The following CCDC88C variants were observed in gnomAD, a reference collection of about 807,000 sequenced individuals.
The protein encoded by CCDC88C is coiled-coil and HOOK domain protein 88C.
CCDC88C carries 131 observed loss-of-function variants against 198.8 expected under a neutral mutation model. That is an observed-to-expected ratio of 0.66 (90% CI 0.57 to 0.76). The LOEUF (loss-of-function observed/expected upper bound fraction) is 0.76. Ranked by LOEUF, CCDC88C falls within the 30% of genes least tolerant of loss-of-function variation. The pLI is 0.00. For missense variants in CCDC88C, 2,553 were observed against 2,631.6 expected, an observed-to-expected ratio of 0.97 and a Z score of 0.65; for synonymous variants, 1,166 against 1,114.7, an observed-to-expected ratio of 1.05 and a Z score of -0.92.
At chr14:91,310,556 G>A (rs1891774373) in intron 15 of CCDC88C, among the ~76,000 whole-genome samples, 1 of 152,080 alleles carries the variant, frequency 6.6e-6, no homozygotes. Context: ...AATTACAGGT[G>A]TGCACCAGCA....
At chr14:91,343,949 T>C (rs1893411750) in intron 4 of CCDC88C, among the ~76,000 whole-genome samples, 1 of 152,176 alleles carries the variant, frequency 6.6e-6, no homozygotes, top group Non-Finnish European at 1.5e-5. Flanking sequence ...GCCTCCCTAG[T>C]AGCTGGGACT....
At chr14:91,358,113 C>T (rs1260421808) in intron 4 of CCDC88C, among the ~76,000 whole-genome samples, 1 of 152,188 alleles carries the variant, frequency 6.6e-6, no homozygotes, top group African/African-American at 2.4e-5. Context: ...AGAGCGCCCC[C>T]ACGGAACAAG....
intron 4 of CCDC88C, among the ~76,000 whole-genome samples, chr14:91,359,401 T>C (rs1044682346): frequency 6.6e-6 from 1 of 152,140 alleles, no homozygotes; most frequent in Admixed American, 6.5e-5. Context: ...CCTCCCAAAG[T>C]GCTGGGATTA....
chr14:91,358,658 T>C (rs1894151050), intron 4 of CCDC88C, among the ~76,000 whole-genome samples: 1 of 152,254 alleles, frequency 6.6e-6, no homozygotes, highest in African/African-American at 2.4e-5. Context: ...ACATTTAATT[T>C]GGTCTTTCTT....
At position 91,313,841 on chromosome 14, in the gene CCDC88C, C is replaced by T. The variant is rs768318540; in HGVS notation, c.1975G>A (p.Glu659Lys). The change falls in exon 15 of 30, where the codon GAG (glutamate) becomes AAG (lysine). Residue 659 changes from glutamate to lysine, a missense_variant. Coordinates refer to ENST00000389857, the MANE Select transcript of CCDC88C (RefSeq NM_001080414.4). This position sits in a 1 kb window ranked among gnomAD's most constrained non-coding sequence, Gnocchi z 5.2. ...RKVTSLETAT[E>K]KVEALEHESQ... ...TCATGCTCCAGGGCCTCGACTTTCT[C>T]GGTGGCTGTCTCCAGGGAGGTCACC... 1.0e-5 allele frequency: 16 copies of T among 1,603,640 alleles called. No homozygotes were observed. Among genetic ancestry groups the T allele is most frequent in the African/African-American group, 5.3e-5 (4 of 74,780 alleles).
chr14:91,401,920 C>A (rs1886226619), intron 3 of CCDC88C, among the ~76,000 whole-genome samples: 1 of 152,178 alleles, frequency 6.6e-6, no homozygotes, highest in Non-Finnish European at 1.5e-5. Flanking sequence ...TGAAACACAG[C>A]CACAAGTTTA....
At chr14:91,404,692 G>A (rs182034549) in intron 3 of CCDC88C, among the ~76,000 whole-genome samples, 7 of 152,124 alleles carry the variant, frequency 4.6e-5, no homozygotes, top group Non-Finnish European at 8.8e-5. Context: ...GGCTGGGCGC[G>A]GTGGCTCACG....
chr14:91,280,161 G>A (rs767187189), intron 27 of CCDC88C, among the ~76,000 whole-genome samples: 5 of 152,162 alleles, frequency 3.3e-5, no homozygotes, highest in Non-Finnish European at 7.3e-5. Context: ...GAACCCCCGT[G>A]GCAGGGATGG....
intron 10 of CCDC88C, among the ~76,000 whole-genome samples, chr14:91,337,462 C>G (rs182055522): frequency 6.6e-6 from 1 of 152,338 alleles, no homozygotes; most frequent in African/African-American, 2.4e-5. Flanking sequence ...GCCTCAGCCT[C>G]CTGAGTAGCT....
At chr14:91,356,099 T>G (rs1894030383) in intron 4 of CCDC88C, among the ~76,000 whole-genome samples, 1 of 152,326 alleles carries the variant, frequency 6.6e-6, no homozygotes, top group Non-Finnish European at 1.5e-5. Flanking sequence ...ACCAACTTTG[T>G]TCTTTGTTTA....
chr14:91,328,244 G>A (rs1287390669), intron 10 of CCDC88C, among the ~76,000 whole-genome samples: 1 of 152,200 alleles, frequency 6.6e-6, no homozygotes, highest in Non-Finnish European at 1.5e-5. Context: ...CAAACATGCT[G>A]TGGTTTTCTG....
intron 10 of CCDC88C, among the ~76,000 whole-genome samples, chr14:91,329,100 C>G (rs1892701514): frequency 6.6e-6 from 1 of 152,196 alleles, no homozygotes; most frequent in Non-Finnish European, 1.5e-5. Flanking sequence ...GAAACATCAC[C>G]CCCGCTCTGA....
At chr14:91,379,729 T>C in intron 3 of CCDC88C, 1 of 666,220 alleles carries the variant, frequency 1.5e-6, no homozygotes, top group Non-Finnish European at 2.7e-6. Flanking sequence ...GTGATGGCCT[T>C]CCATGGCCAG....
In CCDC88C at chr14:91,288,188, TA is replaced by T; in HGVS notation, c.4441+916del. Among the ~76,000 whole-genome samples, 1 of 152,308 alleles carries T rather than the reference TA, an allele frequency of 6.6e-6. No homozygotes were observed. The highest frequency in any genetic ancestry group is 1.9e-4 in the East Asian group (1 of 5,186). ...TACCGTTTGATTGCCTCGTGGTATA[TA>T]AAGTAACTGTGCAGCTTTCATGGCT... On this transcript the variant is annotated intron_variant, in intron 25 of 29. Transcript: ENST00000389857. This position sits in a 1 kb window ranked among gnomAD's most constrained non-coding sequence, Gnocchi z 4.2.
chr14:91,310,063 G>A, intron 15 of CCDC88C, 77 bp from the exon 16 acceptor site: 1 of 1,424,304 alleles, frequency 7.0e-7, no homozygotes, highest in African/African-American at 1.4e-5. Context: ...TCCCGCCCGG[G>A]TGTGAGCAAC....
Position 91,272,345 on chromosome 14 carries a change from TGC to T in CCDC88C, c.*278_*279del. The T allele has an allele frequency of 1.6e-4, 72 of 455,072 alleles. No homozygotes were observed. The highest frequency in any genetic ancestry group is 4.9e-4 in the South Asian group (18 of 36,708). 28.2% of individuals were successfully genotyped at this position (455,072 alleles called of 1,614,324 possible). A position where few individuals can be genotyped will look rare whatever the true frequency, so the allele number is the denominator to read the frequency against. Reference sequence around the variant, plus strand: ...GCTTTGGGGGAAGTCAGTTTGTCATTGCATCCTAATTGGTCCCCATGCTGACG... The same window carrying T: ...GCTTTGGGGGAAGTCAGTTTGTCATTATCCTAATTGGTCCCCATGCTGACG... On this transcript the variant is annotated 3_prime_UTR_variant, in exon 30 of 30. Coordinates refer to ENST00000389857, the MANE Select transcript of CCDC88C (RefSeq NM_001080414.4).
chr14:91,274,896 C>T (rs1567044341), intron 29 of CCDC88C, among the ~76,000 whole-genome samples: 1 of 152,214 alleles, frequency 6.6e-6, no homozygotes, highest in Non-Finnish European at 1.5e-5. Flanking sequence ...GGCTGCCTGA[C>T]TCCAGAGCTG....
chr14:91,328,271 C>T (rs1892660811), intron 10 of CCDC88C, among the ~76,000 whole-genome samples: 1 of 152,220 alleles, frequency 6.6e-6, no homozygotes, highest in Admixed American at 6.5e-5. Flanking sequence ...TCAACCTCCA[C>T]TATACATAAG....
At chr14:91,309,107 T>C (rs1891690064) in intron 16 of CCDC88C, among the ~76,000 whole-genome samples, 1 of 152,148 alleles carries the variant, frequency 6.6e-6, no homozygotes, top group Non-Finnish European at 1.5e-5. Flanking sequence ...TGCATGTCTG[T>C]AATCTCAGCT....
Sources: gnomAD v4.1 joint callset for allele counts (sites outside exome capture counted in the v4.1 genomes callset) on GRCh38, gnomAD v4.1.1 for gene constraint, Gnocchi (gnomAD v3.1) non-coding constraint, MANE v1.5 for transcripts, NCBI Gene and HGNC (gene_info 2026-07-23, HGNC 2026-07-21) for gene names.